The following PDK1 variants were observed in gnomAD, a reference collection of about 807,000 sequenced individuals.
PDK1 encodes the protein [Pyruvate dehydrogenase (acetyl-transferring)] kinase isozyme 1, mitochondrial.
Under a neutral mutation model 54.2 loss-of-function variants are expected in PDK1, and 39 were observed. The observed-to-expected ratio is 0.72, with a 90% CI of 0.56 to 0.94. PDK1 has a LOEUF of 0.94. Ranked by LOEUF, PDK1 falls within the 40% of genes least tolerant of loss-of-function variation. The probability of loss-of-function intolerance (pLI) is 0.00; values close to 1 mark genes in which losing one functional copy is unlikely to be tolerated. For synonymous variants in PDK1, 221 were observed against 207.1 expected (o/e 1.07, Z -0.58); for missense variants, 552 against 566.0 (o/e 0.98, Z 0.25).
intron 8 of PDK1, among the ~76,000 whole-genome samples, chr2:172,583,290 T>TG: frequency 7.8e-6 from 1 of 128,954 alleles, no homozygotes; most frequent in East Asian, 2.2e-4. Context: ...GGTTTTTTTT[T>TG]TTTTTTTTTT....
intron 1 of PDK1, 189 bp downstream of exon 1, chr2:172,556,535 A>G (rs2149172044): frequency 6.6e-6 from 3 of 451,340 alleles, no homozygotes; most frequent in South Asian, 1.0e-4. Flanking sequence ...CTGGCGGCGT[A>G]AATAACGGTG....
At chr2:172,716,274 C>T in the PDK1 span, among the ~76,000 whole-genome samples, 1 of 152,168 alleles carries the variant, frequency 6.6e-6, no homozygotes, top group African/African-American at 2.4e-5. Flanking sequence ...TCAACCTACA[C>T]CATTTCTATA....
intron 8 of PDK1, among the ~76,000 whole-genome samples, chr2:172,583,792 A>G (rs1690058674): frequency 6.6e-6 from 1 of 152,100 alleles, no homozygotes; most frequent in African/African-American, 2.4e-5. Context: ...AAACTCAACT[A>G]TAAGCCATTC....
At chr2:172,706,051 A>G in the PDK1 span, among the ~76,000 whole-genome samples, 9 of 152,354 alleles carry the variant, frequency 5.9e-5, no homozygotes, top group Non-Finnish European at 7.3e-5. Context: ...AGTTATCACA[A>G]TCAGGATATT....
Position 172,562,220 on chromosome 2 carries a change from G to A in PDK1, c.339G>A (p.Trp113Ter), listed in dbSNP as rs1558926558. ...CTTATCCTATTGATCTGCATTTTAG[G>A]TATATCCAGAGTCTTCAGGAGCTTC... is the stretch of plus-strand genomic sequence containing the variant. ...RTPSVQLVQS[W>*]YIQSLQELLD... The change falls in exon 3 of 11, where the codon TGG (tryptophan) becomes TGA (stop). Residue 113 changes from tryptophan (W) to a stop codon, truncating the protein, a stop_gained and splice_region_variant. Coordinates refer to ENST00000282077, the MANE Select transcript of PDK1 (RefSeq NM_002610.5). LOFTEE classifies it high-confidence loss of function. 1 of 1,542,108 alleles carries A rather than the reference G, an allele frequency of 6.5e-7. No homozygotes were observed. Among genetic ancestry groups the A allele is most frequent in the Non-Finnish European group, 9.0e-7 (1 of 1,116,260 alleles).
Position 172,607,399 on chromosome 2 carries a change from T to C in PDK1, c.*11430T>C, listed in dbSNP as rs917156337. The C allele has an allele frequency of 7.9e-5, 12 of 152,344 alleles. No individual in the cohort carries two copies. Among genetic ancestry groups the C allele is most frequent in the African/African-American group, 2.6e-4 (11 of 41,570 alleles). The allele number at this position is 152,344 out of a possible 1,614,324, so 9.4% of individuals were successfully genotyped here. A position where few individuals can be genotyped will look rare whatever the true frequency, so the allele number is the denominator to read the frequency against. On this transcript the variant is annotated 3_prime_UTR_variant, in exon 11 of 11. Coordinates refer to ENST00000282077, the MANE Select transcript of PDK1 (RefSeq NM_002610.5). ...ATATACAGTTCTTTCTAAAACTCCT[T>C]CTGTTCTCTAAGATGTAGTTTGAAC...
chr2:172,681,131 A>T, the PDK1 span, among the ~76,000 whole-genome samples: 1 of 152,092 alleles, frequency 6.6e-6, no homozygotes, highest in Non-Finnish European at 1.5e-5. Context: ...TCTCTTTGGG[A>T]ACAGTTTGGT....
chr2:172,652,035 A>C, the PDK1 span, among the ~76,000 whole-genome samples: 16 of 152,246 alleles, frequency 1.1e-4, no homozygotes, highest in South Asian at 2.9e-3. Context: ...TTTTAGACCA[A>C]TATCCCTGAT....
rs1691057600 is a variant in PDK1, at chr2:172,599,944, C to T, written c.*3975C>T. ...TATTTAGCAAAAATACAGAGTTTCA[C>T]CCCAGTAAAATAAACTTCCACGTGA... is the stretch of plus-strand genomic sequence containing the variant. On this transcript the variant is annotated 3_prime_UTR_variant, in exon 11 of 11. Coordinates refer to ENST00000282077, the MANE Select transcript of PDK1 (RefSeq NM_002610.5). 6.6e-6 allele frequency: 1 copy of T among 152,164 alleles called. No individual in the cohort carries two copies. The highest frequency in any genetic ancestry group is 6.5e-5 in the Admixed American group (1 of 15,274). 9.4% of individuals were successfully genotyped at this position (152,164 alleles called of 1,614,324 possible).
At chr2:172,714,491 A>G in the PDK1 span, among the ~76,000 whole-genome samples, 1 of 152,080 alleles carries the variant, frequency 6.6e-6, no homozygotes, top group Admixed American at 6.5e-5. Context: ...AAATATGCCT[A>G]TGTTGAAATT....
chr2:172,590,990 C>T (rs916415849), intron 9 of PDK1, among the ~76,000 whole-genome samples: 2 of 152,154 alleles, frequency 1.3e-5, no homozygotes, highest in Non-Finnish European at 2.9e-5. Context: ...CTACTTCTTG[C>T]TGGATAGGGG....
At chr2:172,635,653 G>A in the PDK1 span, among the ~76,000 whole-genome samples, 1 of 152,160 alleles carries the variant, frequency 6.6e-6, no homozygotes, top group African/African-American at 2.4e-5. Flanking sequence ...TTGATGCTCT[G>A]GCATTTGGGA....
At position 172,556,254 on chromosome 2, in the gene PDK1, GC is replaced by G; in HGVS notation, c.107del (p.Pro36ArgfsTer24). 1 of 1,476,544 alleles carries G rather than the reference GC, an allele frequency of 6.8e-7. No homozygotes were observed. Among genetic ancestry groups the G allele is most frequent in the Non-Finnish European group, 8.9e-7 (1 of 1,120,052 alleles). The allele number at this position is 1,476,544 out of a possible 1,614,324, so 91.5% of individuals were successfully genotyped here. Reference sequence around the variant, plus strand: ...AGCTTCAGCTCGGACTCGGGCTCCAGCCCGGCGTCCGAGCGCGGCGTTCCGG... The same window carrying G: ...AGCTTCAGCTCGGACTCGGGCTCCAGCCGGCGTCCGAGCGCGGCGTTCCGG... ...SRSFSSDSGS[S>X]PASERGVPGQ... On this transcript the variant is annotated frameshift_variant, in exon 1 of 11. Coordinates refer to ENST00000282077, the MANE Select transcript of PDK1 (RefSeq NM_002610.5). LOFTEE classifies it high-confidence loss of function.
the PDK1 span, among the ~76,000 whole-genome samples, chr2:172,676,124 G>A: frequency 6.6e-6 from 1 of 152,112 alleles, no homozygotes; most frequent in Non-Finnish European, 1.5e-5. Context: ...TATTACTACT[G>A]ATTGACAGTG....
At chr2:172,568,622 C>A in intron 6 of PDK1, 119 bp from the exon 7 acceptor site, 1 of 664,948 alleles carries the variant, frequency 1.5e-6, no homozygotes, top group Non-Finnish European at 2.7e-6. Flanking sequence ...GGCAGTTCTC[C>A]CCCAGGTAAT....
chr2:172,723,016 C>A, the PDK1 span, among the ~76,000 whole-genome samples: 1 of 151,900 alleles, frequency 6.6e-6, no homozygotes, highest in Non-Finnish European at 1.5e-5. Flanking sequence ...AGTGGCAAAG[C>A]AGATGATTTT....
the PDK1 span, among the ~76,000 whole-genome samples, chr2:172,636,545 C>T: frequency 1.3e-5 from 2 of 151,800 alleles, no homozygotes; most frequent in African/African-American, 4.8e-5. Context: ...CATGGTGAAA[C>T]CCCCATCTCT....
At chr2:172,723,118 A>G in the PDK1 span, 2 of 152,128 alleles carry the variant, frequency 1.3e-5, no homozygotes, top group Admixed American at 6.5e-5. Flanking sequence ...GCAAATAGAA[A>G]GAAACAAAGA....
At chr2:172,642,222 C>T in the PDK1 span, among the ~76,000 whole-genome samples, 1 of 152,280 alleles carries the variant, frequency 6.6e-6, no homozygotes, top group African/African-American at 2.4e-5. Context: ...AACGTTAAGA[C>T]TTTTGGAATT....
Sources: allele counts gnomAD v4.1 joint callset (sites outside exome capture counted in the v4.1 genomes callset), GRCh38; gene constraint gnomAD v4.1.1; transcripts MANE v1.5; gene names NCBI Gene and HGNC (gene_info 2026-07-23, HGNC 2026-07-21).